The following LMBR1 variants were observed in gnomAD, a reference collection of about 807,000 sequenced individuals.
LMBR1 encodes limb development membrane protein 1, also known as limb region 1 protein homolog.
LMBR1 carries 52 observed loss-of-function variants against 73.9 expected under a neutral mutation model. The ratio of observed to expected loss-of-function variants is 0.70; its 90% CI spans 0.56 to 0.89. LMBR1 has a LOEUF of 0.89. Among genes scored for constraint, LMBR1 ranks in the 40% least tolerant of loss-of-function variants. The pLI, the probability that LMBR1 is intolerant of heterozygous loss-of-function variation, is 0.00. For missense variants in LMBR1, 539 were observed against 579.8 expected (o/e 0.93, Z 0.72); for synonymous variants, 215 against 209.4 (o/e 1.03, Z -0.23).
At chr7:156,788,603 C>T (rs1828591965) in intron 5 of LMBR1, among the ~76,000 whole-genome samples, 1 of 149,240 alleles carries the variant, frequency 6.7e-6, no homozygotes, top group Non-Finnish European at 1.5e-5. Flanking sequence ...CATTCACAGG[C>T]TCTCAACATA....
In LMBR1 at chr7:156,833,779, A is replaced by C; in HGVS notation, c.153T>G (p.Asp51Glu). ...AAATCCTGTTGACGATGGCATCTTC[A>C]TCTTCTTGTTCATCTGCAAAAATGT... ...RYKRKSDEQE[D>E]EDAIVNRISL... The change falls in exon 3 of 17, where the codon GAT (aspartate) becomes GAG (glutamate). Residue 51 changes from aspartate to glutamate, a missense_variant. Physicochemically the swap from Asp to Glu is conservative, Grantham distance 45. Transcript: ENST00000353442. 1.9e-6 allele frequency: 3 copies of C among 1,597,914 alleles called. No individual in the cohort carries two copies. In the South Asian group the frequency reaches 3.4e-5, roughly 18 times the overall value.
chr7:156,880,524 A>C (rs2134452562), intron 1 of LMBR1, among the ~76,000 whole-genome samples: 1 of 152,316 alleles, frequency 6.6e-6, no homozygotes, highest in East Asian at 1.9e-4. Flanking sequence ...ATAAAAAAAA[A>C]AGAAATTAAA....
chr7:156,747,658 T>C (rs924250351), intron 9 of LMBR1, among the ~76,000 whole-genome samples: 24 of 152,250 alleles, frequency 1.6e-4, no homozygotes, highest in African/African-American at 5.8e-4. Context: ...CATAAACAGA[T>C]TGATGTTACA....
intron 10 of LMBR1, chr7:156,733,749 T>C (rs1817313804): frequency 6.6e-6 from 1 of 152,422 alleles, no homozygotes; most frequent in South Asian, 2.1e-4. Flanking sequence ...ATTTCCAAAT[T>C]AGTTGAAAAC....
chr7:156,730,966 G>GA (rs879465635), intron 10 of LMBR1, among the ~76,000 whole-genome samples: 64 of 149,152 alleles, frequency 4.3e-4, no homozygotes, highest in Non-Finnish European at 6.6e-4. Context: ...GAAAAAGAGG[G>GA]AAAAAAAAAG....
rs766091213 is a variant in LMBR1, at chr7:156,796,460, G to C, written c.352C>G (p.Leu118Val). 2 of 1,605,958 alleles carry C rather than the reference G, an allele frequency of 1.2e-6. No individual in the cohort carries two copies. Among genetic ancestry groups the C allele is most frequent in the Non-Finnish European group, 1.7e-6 (2 of 1,176,866 alleles). The change falls in exon 5 of 17, where the codon CTT becomes GTT. Residue 118 changes from leucine to valine, a missense_variant. Physicochemically the swap from Leu to Val is conservative, Grantham distance 32 (BLOSUM62 1). Transcript: ENST00000353442. ...LWNLASLFSN[L>V]CLFVLMPFAF... ...AAGGGCATCAATACAAATAAACAAAGGTTGGAAAAAAGGGAAGCAAGATTC... is the reference window on the plus strand; with the variant it reads ...AAGGGCATCAATACAAATAAACAAACGTTGGAAAAAAGGGAAGCAAGATTC...
chr7:156,826,429 A>C (rs952532070), intron 4 of LMBR1, among the ~76,000 whole-genome samples, 176 bp downstream of exon 4: 1 of 152,254 alleles, frequency 6.6e-6, no homozygotes, highest in Non-Finnish European at 1.5e-5. Flanking sequence ...TTTCACAACT[A>C]ATTAAACATA....
At chr7:156,715,115 C>T (rs1358471686) in intron 15 of LMBR1, among the ~76,000 whole-genome samples, 2 of 151,994 alleles carry the variant, frequency 1.3e-5, no homozygotes, top group African/African-American at 4.8e-5. Context: ...CCACACTTGG[C>T]TAATTTTTAT....
intron 1 of LMBR1, among the ~76,000 whole-genome samples, chr7:156,864,467 T>G (rs1291009407): frequency 2.6e-5 from 4 of 152,180 alleles, no homozygotes; most frequent in African/African-American, 9.7e-5. Context: ...TCATTCACAC[T>G]GCATGCCTTG....
At position 156,734,158 on chromosome 7, in the gene LMBR1, GAA is replaced by G; in HGVS notation, c.838+17_838+18del. 1.3e-6 allele frequency: 2 copies of G among 1,490,640 alleles called. No individual in the cohort carries two copies. The highest frequency in any genetic ancestry group is 1.8e-6 in the Non-Finnish European group (2 of 1,091,552). The allele number at this position is 1,490,640 out of a possible 1,614,324, so 92.3% of individuals were successfully genotyped here. A position where few individuals can be genotyped will look rare whatever the true frequency, so the allele number is the denominator to read the frequency against. Reference sequence around the variant, plus strand: ...AAACCAAGGCCAATACACAAGTCAAGAAAAAAAAAGTACAATACCTAATTTTG... The same window carrying G: ...AAACCAAGGCCAATACACAAGTCAAGAAAAAAAGTACAATACCTAATTTTG... On this transcript the variant is annotated intron_variant, in intron 10 of 16. Transcript: ENST00000353442.
chr7:156,889,475 G>C lies in LMBR1; in HGVS notation c.66+3453C>G, dbSNP rs117081724. On this transcript the variant is annotated intron_variant, in intron 1 of 16. Transcript: ENST00000353442. ...ATTGGCAACAGGTCTTAGAGAAAAAGTATTTACATTCACTCTAAATATAAA... is the reference window on the plus strand; with the variant it reads ...ATTGGCAACAGGTCTTAGAGAAAAACTATTTACATTCACTCTAAATATAAA... Among the ~76,000 whole-genome samples the C allele has an allele frequency of 2.6e-3, 394 of 152,254 alleles. 5 individuals are homozygous for C. Among genetic ancestry groups the C allele is most frequent in the Admixed American group, 2.8e-3 (43 of 15,286 alleles).
intron 1 of LMBR1, among the ~76,000 whole-genome samples, chr7:156,838,352 T>C (rs1838036920): frequency 1.3e-5 from 2 of 152,194 alleles, no homozygotes; most frequent in East Asian, 1.9e-4. Context: ...TTTGTACCCT[T>C]TGACCAACAT....
intron 10 of LMBR1, among the ~76,000 whole-genome samples, chr7:156,732,480 G>A (rs933405526): frequency 6.6e-6 from 1 of 152,162 alleles, no homozygotes; most frequent in Non-Finnish European, 1.5e-5. Context: ...CCAAGGATCT[G>A]CAAAGAGTCA....
At chr7:156,750,729 T>G (rs1265620272) in intron 9 of LMBR1, among the ~76,000 whole-genome samples, 1 of 152,184 alleles carries the variant, frequency 6.6e-6, no homozygotes, top group Non-Finnish European at 1.5e-5. Flanking sequence ...TCTAGCAACA[T>G]TATAGAATCA....
chr7:156,884,094 C>T (rs1271708184), intron 1 of LMBR1, among the ~76,000 whole-genome samples: 1 of 152,234 alleles, frequency 6.6e-6, no homozygotes, highest in African/African-American at 2.4e-5. Flanking sequence ...TAGAAAATCA[C>T]TTCAACTTAT....
intron 1 of LMBR1, among the ~76,000 whole-genome samples, chr7:156,848,862 C>T (rs1266385780): frequency 6.8e-6 from 1 of 147,210 alleles, no homozygotes; most frequent in South Asian, 2.2e-4. Flanking sequence ...ACCTGGGAGG[C>T]GGAGGCTGCA....
At chr7:156,688,398 C>A (rs907863482) in intron 15 of LMBR1, among the ~76,000 whole-genome samples, 1 of 152,004 alleles carries the variant, frequency 6.6e-6, no homozygotes, top group Non-Finnish European at 1.5e-5. Context: ...TTCACATACA[C>A]GCCACAGTCA....
At chr7:156,772,189 A>T (rs577097827) in intron 5 of LMBR1, among the ~76,000 whole-genome samples, 36 of 152,100 alleles carry the variant, frequency 2.4e-4, no homozygotes, top group Middle Eastern at 6.8e-3. Context: ...CAGGAGAATC[A>T]CTTGAACCTG....
At chr7:156,677,165 G>A (rs1804217919), downstream of LMBR1, 1 of 152,648 alleles carries the variant, frequency 6.6e-6, no homozygotes. Flanking sequence ...AATAAAGACT[G>A]TTTTAGTTCA....
Sources: allele counts gnomAD v4.1 joint callset (sites outside exome capture counted in the v4.1 genomes callset), GRCh38; gene constraint gnomAD v4.1.1; transcripts MANE v1.5; gene names NCBI Gene and HGNC (gene_info 2026-07-23, HGNC 2026-07-21).